The following EGFR variants were observed in gnomAD, a reference collection of about 807,000 sequenced individuals.
The protein encoded by EGFR is epidermal growth factor receptor, also known as avian erythroblastic leukemia viral (v-erb-b) oncogene homolog.
In EGFR, 58 loss-of-function variants were observed where a neutral mutation model predicts 143.0. The observed-to-expected ratio is 0.41, with a 90% CI of 0.33 to 0.50. The LOEUF is 0.50. EGFR is among the 20% of genes least tolerant of loss of function. The pLI, the probability that EGFR is intolerant of heterozygous loss-of-function variation, is 0.39. For missense variants in EGFR, 1,307 were observed against 1,579.0 expected (o/e 0.83, Z 2.92); for synonymous variants, 613 against 594.4 (o/e 1.03, Z -0.45).
intron 1 of EGFR, among the ~76,000 whole-genome samples, chr7:55,090,748 T>G (rs1417726903): frequency 6.6e-6 from 1 of 152,182 alleles, no homozygotes; most frequent in African/African-American, 2.4e-5. Context: ...ATTCAAAATA[T>G]ATCTTATCAT....
chr7:55,160,374 G>C (rs1338161109), intron 12 of EGFR, 36 bp downstream of exon 12: 2 of 1,595,326 alleles, frequency 1.3e-6, no homozygotes, highest in Non-Finnish European at 1.7e-6. Flanking sequence ...TATGGAGTTG[G>C]TTCTAATGGG....
intron 1 of EGFR, among the ~76,000 whole-genome samples, chr7:55,105,905 A>G (rs753386282): frequency 2.6e-5 from 4 of 152,214 alleles, no homozygotes; most frequent in Non-Finnish European, 5.9e-5. Flanking sequence ...GAAACAACTT[A>G]TTTTTATTCT....
chr7:55,157,555 C>A, intron 10 of EGFR, 108 bp from the exon 11 acceptor site: 1 of 913,494 alleles, frequency 1.1e-6, no homozygotes, highest in Non-Finnish European at 1.8e-6. Context: ...CCAATTTTCC[C>A]ACTTACTGTT....
At chr7:55,158,103 G>T (rs895525288) in intron 11 of EGFR, among the ~76,000 whole-genome samples, 6 of 152,204 alleles carry the variant, frequency 3.9e-5, no homozygotes, top group African/African-American at 1.4e-4. Context: ...AAACGTGTGG[G>T]TCAGGTACTT....
chr7:55,145,829 T>G (rs948446378), intron 3 of EGFR, among the ~76,000 whole-genome samples: 2 of 152,136 alleles, frequency 1.3e-5, no homozygotes, highest in African/African-American at 2.4e-5. Flanking sequence ...GTGTGTGACA[T>G]GTCTGTCCCC....
chr7:55,065,872 G>C (rs1789468711), intron 1 of EGFR, among the ~76,000 whole-genome samples: 1 of 145,724 alleles, frequency 6.9e-6, no homozygotes. Context: ...GAGTCATATG[G>C]CCTCTGTCAT....
intron 14 of EGFR, among the ~76,000 whole-genome samples, chr7:55,164,666 C>T (rs1049748869): frequency 6.6e-6 from 1 of 152,214 alleles, no homozygotes; most frequent in Non-Finnish European, 1.5e-5. Context: ...AAGGGGAAAG[C>T]CTTTCCCTGC....
chr7:55,069,302 G>A (rs1459845588), intron 1 of EGFR, among the ~76,000 whole-genome samples: 1 of 152,170 alleles, frequency 6.6e-6, no homozygotes, highest in Non-Finnish European at 1.5e-5. Context: ...TGCAAAATGA[G>A]TCGTTGATGA....
chr7:55,200,532 C>A (rs2128970279), intron 24 of EGFR, 119 bp downstream of exon 24: 1 of 1,027,292 alleles, frequency 9.7e-7, no homozygotes. Flanking sequence ...TTATTAAACC[C>A]TCCAGCGCAT....
At chr7:55,200,734 C>T (rs949495181) in intron 24 of EGFR, 6 of 501,702 alleles carry the variant, frequency 1.2e-5, no homozygotes, top group East Asian at 7.0e-5. Flanking sequence ...GTCAGGCAGA[C>T]GTGGCTTCAC....
intron 1 of EGFR, among the ~76,000 whole-genome samples, chr7:55,049,659 A>G (rs938962209): frequency 1.3e-5 from 2 of 151,506 alleles, no homozygotes; most frequent in Non-Finnish European, 2.9e-5. Flanking sequence ...TGCTCCTTCC[A>G]CCTGAGGACT....
chr7:55,088,306 A>C (rs920207655), intron 1 of EGFR, among the ~76,000 whole-genome samples: 2 of 152,198 alleles, frequency 1.3e-5, no homozygotes, highest in Admixed American at 1.3e-4. Flanking sequence ...AGCCCCATGA[A>C]AGAGTGCACA....
In EGFR at chr7:55,191,729, A is replaced by T. The variant is rs150749913; in HGVS notation, c.2480A>T (p.Tyr827Phe). ...WCVQIAKGMN[Y>F]LEDRRLVHRD... ...TCTTCTCTGTTTCAGGGCATGAACT[A>T]CTTGGAGGACCGTCGCTTGGTGCAC... The change falls in exon 21 of 28, where the codon TAC (tyrosine) becomes TTC (phenylalanine). Residue 827 changes from tyrosine (Y) to phenylalanine (F), a missense_variant. By Grantham distance (22) the Tyr-to-Phe change is conservative (BLOSUM62 3). This residue lies in a region of EGFR where 348 missense variants were observed against 451.5 expected (regional missense o/e 0.77). Coordinates refer to ENST00000275493, the MANE Select transcript of EGFR (RefSeq NM_005228.5). 1.2e-6 allele frequency: 2 copies of T among 1,613,876 alleles called. No homozygotes were observed. The highest frequency in any genetic ancestry group is 1.7e-6 in the Non-Finnish European group (2 of 1,179,982).
intron 18 of EGFR, 84 bp from the exon 19 acceptor site, chr7:55,174,638 G>A (rs2128954391): frequency 4.2e-6 from 5 of 1,183,428 alleles, no homozygotes; most frequent in Admixed American, 1.7e-5. Context: ...GTGCATCGCT[G>A]GTAACATCCA....
intron 1 of EGFR, among the ~76,000 whole-genome samples, chr7:55,088,701 C>G (rs1193270199): frequency 1.3e-5 from 2 of 152,176 alleles, no homozygotes; most frequent in African/African-American, 4.8e-5. Flanking sequence ...AACCATGTGT[C>G]AACCCATGGC....
intron 20 of EGFR, among the ~76,000 whole-genome samples, chr7:55,190,085 T>C (rs1162143785): frequency 6.6e-6 from 1 of 152,170 alleles, no homozygotes; most frequent in Admixed American, 6.5e-5. Flanking sequence ...GCAGGGAGTC[T>C]GGGCCAGTCC....
rs1338411360 is a variant in EGFR, at chr7:55,208,466, G to C, written c.*2849G>C. 6.6e-6 allele frequency: 1 copy of C among 152,244 alleles called. No individual in the cohort carries two copies. The highest frequency in any genetic ancestry group is 1.5e-5 in the Non-Finnish European group (1 of 68,080). 9.4% of individuals were successfully genotyped at this position (152,244 alleles called of 1,614,324 possible). On this transcript the variant is annotated 3_prime_UTR_variant, in exon 28 of 28. Coordinates refer to ENST00000275493, the MANE Select transcript of EGFR (RefSeq NM_005228.5). Reference sequence around the variant, plus strand: ...CCCCATGACCCCAGCTTCAGATGTGGTCTTTGGAAACAGAGGTCGAAGGAA... The same window carrying C: ...CCCCATGACCCCAGCTTCAGATGTGCTCTTTGGAAACAGAGGTCGAAGGAA...
intron 4 of EGFR, among the ~76,000 whole-genome samples, chr7:55,150,817 T>C (rs1204440323): frequency 6.6e-6 from 1 of 152,242 alleles, no homozygotes; most frequent in African/African-American, 2.4e-5. Flanking sequence ...TGCTTCTCTC[T>C]GGTTTGGAGT....
Position 55,205,980 on chromosome 7 carries a change from A to G in EGFR, c.*363A>G. On this transcript the variant is annotated 3_prime_UTR_variant, in exon 28 of 28. Transcript: ENST00000275493. Reference sequence around the variant, plus strand: ...CATTGTCGCTATTGATTTTTACTTCAATGGGCTCTTCCAACAAGGAAGAAG... The same window carrying G: ...CATTGTCGCTATTGATTTTTACTTCGATGGGCTCTTCCAACAAGGAAGAAG... 1 of 398,454 alleles carries G rather than the reference A, an allele frequency of 2.5e-6. No individual in the cohort carries two copies. The highest frequency in any genetic ancestry group is 4.6e-6 in the Non-Finnish European group (1 of 216,726). The allele number at this position is 398,454 out of a possible 1,614,324, so 24.7% of individuals were successfully genotyped here.
Sources: allele counts gnomAD v4.1 joint callset (sites outside exome capture counted in the v4.1 genomes callset), GRCh38; gene constraint gnomAD v4.1.1; regional missense constraint gnomAD v4.1.1; transcripts MANE v1.5; gene names NCBI Gene and HGNC (gene_info 2026-07-23, HGNC 2026-07-21).